USP8: variants seen among roughly 807,000 people sequenced by gnomAD.
The protein encoded by USP8 is ubiquitin carboxyl-terminal hydrolase 8.
Under a neutral mutation model 130.0 loss-of-function variants are expected in USP8, and 27 were observed. That is an observed-to-expected ratio of 0.21 (90% confidence interval 0.15 to 0.29). The LOEUF (loss-of-function observed/expected upper bound fraction) is 0.29, where lower values mean the gene tolerates loss of function less well. Ranked by LOEUF, USP8 falls within the 10% of genes least tolerant of loss-of-function variation. The pLI, the probability that USP8 is intolerant of heterozygous loss-of-function variation, is 1.00. For missense variants in USP8, 1,029 were observed against 1,312.2 expected (o/e 0.78, Z 3.33); for synonymous variants, 392 against 444.1 (o/e 0.88, Z 1.48).
intron 14 of USP8, among the ~76,000 whole-genome samples, chr15:50,492,052 G>A (rs1348497286): frequency 6.6e-6 from 1 of 152,034 alleles, no homozygotes; most frequent in Non-Finnish European, 1.5e-5. Flanking sequence ...AGTAGAGACG[G>A]GGTTTCACCA....
chr15:50,445,021 G>A (rs2050378834), intron 3 of USP8, among the ~76,000 whole-genome samples: 1 of 152,224 alleles, frequency 6.6e-6, no homozygotes, highest in Non-Finnish European at 1.5e-5. Flanking sequence ...GCCTCCCAAA[G>A]TGCTGGGATT....
At position 50,499,428 on chromosome 15, in the gene USP8, T is replaced by G. The variant is rs1372213291; in HGVS notation, c.*340T>G. On this transcript the variant is annotated 3_prime_UTR_variant, in exon 20 of 20. Transcript: ENST00000307179. ...TTCACTGTTATGGCCTTTTCACATT[T>G]CTAAATCCCATCTTGATATACTATG... The G allele has an allele frequency of 5.8e-6, 1 of 171,918 alleles. No homozygotes were observed. The highest frequency in any genetic ancestry group is 1.2e-5 in the Non-Finnish European group (1 of 81,190). 10.6% of individuals were successfully genotyped at this position (171,918 alleles called of 1,614,324 possible).
In USP8 at chr15:50,489,798, T is replaced by C. The variant is rs760974925; in HGVS notation, c.1891-3T>C. 1 of 1,484,512 alleles carries C rather than the reference T, an allele frequency of 6.7e-7. No individual in the cohort carries two copies. The highest frequency in any genetic ancestry group is 8.9e-7 in the Non-Finnish European group (1 of 1,117,882). 92.0% of individuals were successfully genotyped at this position (1,484,512 alleles called of 1,614,324 possible). Reference sequence around the variant, plus strand: ...TTAATTTTTTTTATTTTATTTTAATTAGGCTCAACGAGAACCTTTGACAAG... The same window carrying C: ...TTAATTTTTTTTATTTTATTTTAATCAGGCTCAACGAGAACCTTTGACAAG... On this transcript the variant is annotated splice_polypyrimidine_tract_variant and splice_region_variant and intron_variant, in intron 12 of 19. Transcript: ENST00000307179.
intron 7 of USP8, chr15:50,466,722 G>A: frequency 4.8e-6 from 1 of 210,484 alleles, no homozygotes; most frequent in Non-Finnish European, 9.7e-6. Context: ...GGTCGGTCAG[G>A]AAGCCGCACA....
intron 1 of USP8, among the ~76,000 whole-genome samples, chr15:50,433,964 T>A (rs1174604596): frequency 1.3e-5 from 2 of 152,152 alleles, no homozygotes; most frequent in Admixed American, 6.5e-5. Context: ...GGAGCACTGC[T>A]GTTTGACTAA....
At chr15:50,458,682 A>G (rs917657514) in intron 4 of USP8, 1 of 211,794 alleles carries the variant, frequency 4.7e-6, no homozygotes, top group African/African-American at 2.3e-5. Flanking sequence ...TGCAGAAAAA[A>G]TTAGGATTTT....
chr15:50,448,152 G>A (rs902628979), intron 3 of USP8, among the ~76,000 whole-genome samples: 3 of 152,084 alleles, frequency 2.0e-5, no homozygotes, highest in African/African-American at 7.2e-5. Flanking sequence ...TGTTTATATG[G>A]CTCCACCATT....
chr15:50,487,171 C>G (rs2051994120), intron 12 of USP8, among the ~76,000 whole-genome samples: 1 of 151,270 alleles, frequency 6.6e-6, no homozygotes, highest in Non-Finnish European at 1.5e-5. Context: ...ATCACCTGTA[C>G]CCCAATAACC....
intron 7 of USP8, among the ~76,000 whole-genome samples, chr15:50,468,167 C>T (rs1427149958): frequency 2.0e-5 from 3 of 150,712 alleles, no homozygotes; most frequent in Non-Finnish European, 4.4e-5. Context: ...AACTCCTGAC[C>T]TCAAATGATC....
intron 9 of USP8, 83 bp downstream of exon 9, chr15:50,477,076 G>C (rs1485000347): frequency 1.7e-5 from 26 of 1,536,322 alleles, no homozygotes; most frequent in Non-Finnish European, 1.8e-5. Context: ...TCTTGGTTGT[G>C]TGTGTATTTG....
intron 1 of USP8, among the ~76,000 whole-genome samples, chr15:50,429,069 A>C (rs1022718712): frequency 1.3e-5 from 2 of 152,312 alleles, no homozygotes; most frequent in Middle Eastern, 3.4e-3. Context: ...TTTAAAACTT[A>C]TGAATTGTTT....
intron 4 of USP8, among the ~76,000 whole-genome samples, chr15:50,457,252 A>G (rs2050821018): frequency 6.6e-6 from 1 of 152,152 alleles, no homozygotes; most frequent in East Asian, 1.9e-4. Flanking sequence ...ATTTTGGAAT[A>G]TTCACTCAAA....
intron 8 of USP8, among the ~76,000 whole-genome samples, chr15:50,472,650 C>T (rs973307123): frequency 6.6e-6 from 1 of 150,794 alleles, no homozygotes; most frequent in Admixed American, 6.6e-5. Flanking sequence ...GTGGCCCATG[C>T]CTGTAATCCC....
chr15:50,438,335 G>A (rs2050149199), intron 1 of USP8, among the ~76,000 whole-genome samples: 1 of 152,226 alleles, frequency 6.6e-6, no homozygotes, highest in Non-Finnish European at 1.5e-5. Context: ...TGTAATCCCA[G>A]CACTTTGGGA....
Position 50,462,266 on chromosome 15 carries a change from TTC to T in USP8, c.499-13_499-12del. The T allele has an allele frequency of 6.3e-7, 1 of 1,596,214 alleles. No individual in the cohort carries two copies. The highest frequency in any genetic ancestry group is 8.5e-7 in the Non-Finnish European group (1 of 1,174,992). On this transcript the variant is annotated splice_polypyrimidine_tract_variant and intron_variant, in intron 5 of 19. Coordinates refer to ENST00000307179, the MANE Select transcript of USP8 (RefSeq NM_005154.5). ...CTATGAAAGTTGAAACTTTTTTTTT[TTC>T]CTATGCAATAGAGCAATGGTGAAAA...
chr15:50,494,242 C>T lies in USP8; in HGVS notation c.2620C>T (p.Leu874=), dbSNP rs1397430295. ...TCAGCAAGATTCACAAGAATTGCTT[C>T]TGTTCCTAATGGATGGTCTCCATGA... ...YSQQDSQELL[L]FLMDGLHEDL... Residue 874 remains leucine (L), a synonymous_variant, in exon 16 of 20, where the codon CTG becomes TTG. Transcript: ENST00000307179. 2.5e-6 allele frequency: 4 copies of T among 1,612,402 alleles called. No homozygotes were observed. Among genetic ancestry groups the T allele is most frequent in the African/African-American group, 1.3e-5 (1 of 74,850 alleles).
intron 6 of USP8, among the ~76,000 whole-genome samples, chr15:50,464,333 T>G (rs2051109122): frequency 6.6e-6 from 1 of 152,218 alleles, no homozygotes; most frequent in Non-Finnish European, 1.5e-5. Flanking sequence ...CCTTTTGAAT[T>G]TAGAACTTTT....
chr15:50,466,701 G>A (rs774894327), intron 7 of USP8: 12 of 201,868 alleles, frequency 5.9e-5, no homozygotes, highest in Middle Eastern at 2.0e-3. Context: ...TGTTGCTCTC[G>A]CAGAGGAACC....
chr15:50,444,869 C>G (rs1392152033), intron 3 of USP8, among the ~76,000 whole-genome samples: 1 of 152,056 alleles, frequency 6.6e-6, no homozygotes, highest in Non-Finnish European at 1.5e-5. Context: ...CTGATTCTCT[C>G]ACCTCAGCCT....
Sources: gnomAD v4.1 joint callset for allele counts (sites outside exome capture counted in the v4.1 genomes callset) on GRCh38, gnomAD v4.1.1 for gene constraint, MANE v1.5 for transcripts, NCBI Gene and HGNC (gene_info 2026-07-23, HGNC 2026-07-21) for gene names.